CCDC60: variants seen among roughly 807,000 people sequenced by gnomAD.
The protein encoded by CCDC60 is coiled-coil domain containing 60.
Under a neutral mutation model 63.5 loss-of-function variants are expected in CCDC60, and 54 were observed. The observed-to-expected ratio is 0.85, with a 90% CI of 0.68 to 1.07. The LOEUF (loss-of-function observed/expected upper bound fraction) is 1.07. CCDC60 is among the 50% of genes least tolerant of loss of function. CCDC60 has a pLI of 0.00. For missense variants in CCDC60, 651 were observed against 684.3 expected, an observed-to-expected ratio of 0.95 and a Z score of 0.54; for synonymous variants, 206 against 238.8, an observed-to-expected ratio of 0.86 and a Z score of 1.27.
chr12:119,381,336 G>A (rs922291084), intron 1 of CCDC60, among the ~76,000 whole-genome samples: 12 of 152,150 alleles, frequency 7.9e-5, no homozygotes, highest in African/African-American at 2.9e-4. Context: ...TCTTTATGAT[G>A]AACTGAGCCA....
chr12:119,382,609 G>GGAATGAAT lies in CCDC60; in HGVS notation c.91-46053_91-46046dup, dbSNP rs140115377. 5.6e-3 allele frequency among the ~76,000 whole-genome samples: 856 copies of GGAATGAAT among 151,714 alleles called. 7 individuals carry two copies. Among genetic ancestry groups the GGAATGAAT allele is most frequent in the African/African-American group, 0.01 (417 of 41,412 alleles). ...CCCATCACAGGCATTCAGAACAGTG[G>GGAATGAAT]GAATGAATGAATGAATGAATGAATG... On this transcript the variant is annotated intron_variant, in intron 1 of 13. Transcript: ENST00000327554.
intron 2 of CCDC60, among the ~76,000 whole-genome samples, chr12:119,441,452 A>C (rs1208424237): frequency 6.6e-6 from 1 of 152,214 alleles, no homozygotes; most frequent in Non-Finnish European, 1.5e-5. Flanking sequence ...CCAGCCCAAT[A>C]CATTTTCATG....
Position 119,537,093 on chromosome 12 carries a change from G to A in CCDC60, c.1552-3521G>A, listed in dbSNP as rs149796635. ...CTTTTCACATAGTCCCATATGTCTT[G>A]GAGGCTTTGTTCATTTCTTTTTACT... On this transcript the variant is annotated intron_variant, in intron 13 of 13. Coordinates refer to ENST00000327554, the MANE Select transcript of CCDC60 (RefSeq NM_178499.5). 5.7e-4 allele frequency among the ~76,000 whole-genome samples: 87 copies of A among 152,214 alleles called. No individual in the cohort carries two copies. The East Asian group carries it at 0.014, about 24-fold the overall frequency.
intron 1 of CCDC60, among the ~76,000 whole-genome samples, chr12:119,370,293 G>A (rs1355787673): frequency 6.6e-6 from 1 of 152,346 alleles, no homozygotes; most frequent in African/African-American, 2.4e-5. Context: ...GTTGCCAAAT[G>A]TCAGGCAGAC....
At chr12:119,350,623 T>C (rs1955646893) in intron 1 of CCDC60, among the ~76,000 whole-genome samples, 1 of 152,164 alleles carries the variant, frequency 6.6e-6, no homozygotes, top group Non-Finnish European at 1.5e-5. Context: ...GGTTCTATTC[T>C]CTCTGGGTCC....
At chr12:119,504,700 T>C (rs1951945434) in intron 6 of CCDC60, among the ~76,000 whole-genome samples, 1 of 152,162 alleles carries the variant, frequency 6.6e-6, no homozygotes. Context: ...AGTTTGAAAA[T>C]CAACTCCAAT....
At chr12:119,431,653 G>A (rs531395141) in intron 2 of CCDC60, among the ~76,000 whole-genome samples, 2 of 151,084 alleles carry the variant, frequency 1.3e-5, no homozygotes, top group East Asian at 2.0e-4. Context: ...ATTGTTTTTT[G>A]TTTTTCTGTG....
chr12:119,496,621 G>A (rs1435299081), intron 5 of CCDC60, among the ~76,000 whole-genome samples: 1 of 152,190 alleles, frequency 6.6e-6, no homozygotes. Context: ...CAGCACCCAT[G>A]AAGCCCTTAA....
rs1298016105 is a variant in CCDC60, at chr12:119,420,952, C to T, written c.91-7731C>T. Among the ~76,000 whole-genome samples the T allele has an allele frequency of 1.3e-5, 2 of 152,190 alleles. No homozygotes were observed. Among genetic ancestry groups the T allele is most frequent in the Non-Finnish European group, 2.9e-5 (2 of 68,042 alleles). On this transcript the variant is annotated intron_variant, in intron 1 of 13. Transcript: ENST00000327554. This position sits in a 1 kb window ranked among gnomAD's most constrained non-coding sequence, Gnocchi z 4.1. ...GTGTGTACTCCTGCCATGATCCCGC[C>T]TACTCTGTTCTTTACAGCTTCTCCA...
intron 4 of CCDC60, among the ~76,000 whole-genome samples, chr12:119,485,777 T>C (rs1010812997): frequency 1.3e-5 from 2 of 152,152 alleles, no homozygotes; most frequent in African/African-American, 4.8e-5. Context: ...AACAAATGAA[T>C]CTGGTATGTC....
At chr12:119,386,554 T>C (rs1468406021) in intron 1 of CCDC60, among the ~76,000 whole-genome samples, 3 of 150,814 alleles carry the variant, frequency 2.0e-5, no homozygotes, top group Non-Finnish European at 4.4e-5. Context: ...TGGGGAGCCA[T>C]GGTGCGGTCG....
At chr12:119,365,676 G>A (rs1461678949) in intron 1 of CCDC60, among the ~76,000 whole-genome samples, 2 of 152,246 alleles carry the variant, frequency 1.3e-5, no homozygotes, top group African/African-American at 4.8e-5. Flanking sequence ...ATTCTCAGAA[G>A]CAGTGAGCAA....
At chr12:119,520,615 G>T (rs1566059750) in intron 9 of CCDC60, among the ~76,000 whole-genome samples, 2 of 147,450 alleles carry the variant, frequency 1.4e-5, no homozygotes, top group Non-Finnish European at 3.0e-5. Flanking sequence ...GATCTCGGCT[G>T]ACTGCAACCT....
intron 5 of CCDC60, among the ~76,000 whole-genome samples, chr12:119,498,832 G>C (rs899990628): frequency 6.6e-6 from 1 of 152,200 alleles, no homozygotes; most frequent in South Asian, 2.1e-4. Context: ...AAAGGTAGTT[G>C]AGAGATCACA....
At chr12:119,347,069 C>T (rs540404329) in intron 1 of CCDC60, among the ~76,000 whole-genome samples, 4 of 152,118 alleles carry the variant, frequency 2.6e-5, no homozygotes, top group Admixed American at 1.3e-4. Context: ...GTGATCCACC[C>T]ACCTCAGCCT....
intron 7 of CCDC60, among the ~76,000 whole-genome samples, chr12:119,506,186 T>C (rs1951995491): frequency 6.6e-6 from 1 of 152,152 alleles, no homozygotes; most frequent in Non-Finnish European, 1.5e-5. Flanking sequence ...CAAACTTGCT[T>C]TCTGTCTCTA....
intron 4 of CCDC60, chr12:119,479,557 C>G: frequency 9.2e-6 from 2 of 217,882 alleles, no homozygotes; most frequent in South Asian, 8.0e-5. Context: ...ACTCAAGGAG[C>G]TGTTTCCCAG....
intron 2 of CCDC60, among the ~76,000 whole-genome samples, chr12:119,442,603 G>A (rs1159963951): frequency 2.6e-5 from 4 of 152,138 alleles, no homozygotes; most frequent in Non-Finnish European, 4.4e-5. Flanking sequence ...CAACTATTTA[G>A]AGAAGATAAG....
chr12:119,451,137 C>T (rs560677187), intron 2 of CCDC60, among the ~76,000 whole-genome samples: 22 of 152,048 alleles, frequency 1.4e-4, no homozygotes, highest in Admixed American at 2.6e-4. Context: ...GTCCAGCCAA[C>T]GTGAAGGGAG....
Sources: gnomAD v4.1 joint callset for allele counts (sites outside exome capture counted in the v4.1 genomes callset) on GRCh38, gnomAD v4.1.1 for gene constraint, Gnocchi (gnomAD v3.1) non-coding constraint, MANE v1.5 for transcripts, NCBI Gene and HGNC (gene_info 2026-07-23, HGNC 2026-07-21) for gene names.